TMEM41B: variants seen among roughly 807,000 people sequenced by gnomAD.
TMEM41B encodes the protein protein stasimon.
A neutral mutation model predicts 31.9 loss-of-function variants in TMEM41B; 18 were observed. That is an observed-to-expected ratio of 0.56 (90% CI 0.39 to 0.84). The LOEUF (loss-of-function observed/expected upper bound fraction) is 0.84, where lower values mean the gene tolerates loss of function less well. TMEM41B is among the 40% of genes least tolerant of loss of function. The probability of loss-of-function intolerance (pLI) is 0.00; values close to 1 mark genes in which losing one functional copy is unlikely to be tolerated. For synonymous variants in TMEM41B, 144 were observed against 124.3 expected (o/e 1.16, Z -1.05); for missense variants, 322 against 348.0 (o/e 0.93, Z 0.59).
intron 1 of TMEM41B, among the ~76,000 whole-genome samples, chr11:9,300,771 G>A (rs1228747659): frequency 2.0e-5 from 3 of 151,854 alleles, no homozygotes; most frequent in African/African-American, 7.3e-5. Context: ...CCAGCTACTC[G>A]GGAGGCTGAG....
intron 3 of TMEM41B, 151 bp downstream of exon 3, chr11:9,295,107 AT>A (rs1853051719): frequency 3.9e-6 from 4 of 1,019,032 alleles, no homozygotes; most frequent in South Asian, 6.2e-5. Context: ...TAAAGTGATA[AT>A]TTTTTTCCAT....
At chr11:9,297,095 GT>G (rs964031016) in intron 2 of TMEM41B, among the ~76,000 whole-genome samples, 1 of 151,524 alleles carries the variant, frequency 6.6e-6, no homozygotes, top group African/African-American at 2.4e-5. Context: ...GCTAGTTGTT[GT>G]TTTTTTTAGA....
intron 3 of TMEM41B, among the ~76,000 whole-genome samples, chr11:9,289,183 G>C (rs1564960540): frequency 6.6e-6 from 1 of 152,274 alleles, no homozygotes; most frequent in Middle Eastern, 3.4e-3. Context: ...TATTTGTAGA[G>C]ATGAGGTCTG....
At chr11:9,314,193 C>T in intron 1 of TMEM41B, 128 bp downstream of exon 1, 1 of 1,265,048 alleles carries the variant, frequency 7.9e-7, no homozygotes. Context: ...ACGGTCTCTG[C>T]TCCCGCCGCG....
intron 1 of TMEM41B, among the ~76,000 whole-genome samples, chr11:9,309,811 A>G (rs1185952013): frequency 6.6e-6 from 1 of 150,392 alleles, no homozygotes; most frequent in Non-Finnish European, 1.5e-5. Flanking sequence ...AGTCCCAGCT[A>G]CTTGGGAGGC....
Position 9,285,228 on chromosome 11 carries a change from G to C in TMEM41B, c.706+1227C>G, listed in dbSNP as rs187782497. On this transcript the variant is annotated intron_variant, in intron 6 of 6. Transcript: ENST00000528080. ...GCCTCCTGAGTAGCTGAGACTACAGGCACCTGCCACCACATTCAGCTAATT... is the reference window on the plus strand; with the variant it reads ...GCCTCCTGAGTAGCTGAGACTACAGCCACCTGCCACCACATTCAGCTAATT... 2.2e-3 allele frequency among the ~76,000 whole-genome samples: 336 copies of C among 151,936 alleles called. 1 individual carries two copies. Among genetic ancestry groups the C allele is most frequent in the Non-Finnish European group, 4.1e-3 (278 of 67,974 alleles).
In TMEM41B at chr11:9,295,399, A is replaced by C; in HGVS notation, c.240-12T>G. ...TCACTCTTTCTTCTCTGAAGAAATA[A>C]AGTGAAAAATTTTAGAACAGAATTT... On this transcript the variant is annotated splice_polypyrimidine_tract_variant and intron_variant, in intron 2 of 6. Coordinates refer to ENST00000528080, the MANE Select transcript of TMEM41B (RefSeq NM_015012.4). The C allele has an allele frequency of 6.6e-7, 1 of 1,513,350 alleles. No individual in the cohort carries two copies. Among genetic ancestry groups the C allele is most frequent in the Non-Finnish European group, 9.0e-7 (1 of 1,116,692 alleles). The allele number at this position is 1,513,350 out of a possible 1,614,324, so 93.7% of individuals were successfully genotyped here.
intron 3 of TMEM41B, among the ~76,000 whole-genome samples, chr11:9,290,021 G>T (rs1158868736): frequency 6.6e-6 from 1 of 151,242 alleles, no homozygotes; most frequent in East Asian, 1.9e-4. Flanking sequence ...TCTCCTACAT[G>T]TCTCTGTCAA....
At position 9,283,368 on chromosome 11, in the gene TMEM41B, C is replaced by A; in HGVS notation, c.*56G>T. The A allele has an allele frequency of 7.4e-7, 1 of 1,350,116 alleles. No individual in the cohort carries two copies. Among genetic ancestry groups the A allele is most frequent in the Non-Finnish European group, 1.0e-6 (1 of 979,868 alleles). 83.6% of individuals were successfully genotyped at this position (1,350,116 alleles called of 1,614,324 possible). On this transcript the variant is annotated 3_prime_UTR_variant, in exon 7 of 7. Transcript: ENST00000528080. ...GGTGATTTTAAAACATAAATGGATG[C>A]ACCTGTTAATCCTGAGATGGTGATG...
At chr11:9,300,972 G>C (rs1853241512) in intron 1 of TMEM41B, among the ~76,000 whole-genome samples, 1 of 152,146 alleles carries the variant, frequency 6.6e-6, no homozygotes, top group Non-Finnish European at 1.5e-5. Context: ...CCAGGAACTG[G>C]TCAATAGCGC....
chr11:9,311,321 A>G, intron 1 of TMEM41B: 2 of 1,517,800 alleles, frequency 1.3e-6, no homozygotes, highest in Non-Finnish European at 1.8e-6. Context: ...AATGCTTGCT[A>G]TGCTTGTGCA....
chr11:9,292,883 C>T (rs1852990361), intron 3 of TMEM41B, among the ~76,000 whole-genome samples: 1 of 152,128 alleles, frequency 6.6e-6, no homozygotes, highest in Admixed American at 6.6e-5. Flanking sequence ...ACCAACAGTG[C>T]TCAAGAGTTC....
At chr11:9,293,474 A>C (rs995063652) in intron 3 of TMEM41B, among the ~76,000 whole-genome samples, 2 of 152,242 alleles carry the variant, frequency 1.3e-5, no homozygotes, top group Non-Finnish European at 2.9e-5. Flanking sequence ...CCCTTCTTAG[A>C]TAAAACACAG....
intron 2 of TMEM41B, 115 bp downstream of exon 2, chr11:9,299,469 C>G: frequency 1.4e-6 from 1 of 696,218 alleles, no homozygotes; most frequent in East Asian, 2.7e-5. Flanking sequence ...CCAATCCACC[C>G]ACCTCGGCCT....
rs776498387 is a variant in TMEM41B at position 9,314,442 on chromosome 11, G to C, written c.-1C>G. 1 of 1,555,608 alleles carries C rather than the reference G, an allele frequency of 6.4e-7. No individual in the cohort carries two copies. The highest frequency in any genetic ancestry group is 1.2e-5 in the South Asian group (1 of 84,706). On this transcript the variant is annotated 5_prime_UTR_variant, in exon 1 of 7. Transcript: ENST00000528080. ...GTTCGGCGACTCTGCCTTTCGCCAT[G>C]GCTGCTGCAAGGTGAAGGGAGCGGT...
intron 1 of TMEM41B, among the ~76,000 whole-genome samples, chr11:9,313,146 C>T (rs1853603431): frequency 6.6e-6 from 1 of 152,120 alleles, no homozygotes; most frequent in Non-Finnish European, 1.5e-5. Flanking sequence ...GTAGTAGAGT[C>T]TTCAAAACAA....
intron 1 of TMEM41B, among the ~76,000 whole-genome samples, chr11:9,302,678 T>C (rs66462604): frequency 0.37 from 36,921 of 99,190 alleles, 15,223 homozygotes; most frequent in East Asian, 0.98. Context: ...TGGTAGACTA[T>C]ATGAATCAGC....
chr11:9,284,231 GTC>G (rs2133607025), intron 6 of TMEM41B, among the ~76,000 whole-genome samples: 1 of 151,668 alleles, frequency 6.6e-6, no homozygotes, highest in East Asian at 1.9e-4. Flanking sequence ...TGCAGCCTCA[GTC>G]TCTCGAGGCT....
chr11:9,291,690 C>T (rs1200906349), intron 3 of TMEM41B, among the ~76,000 whole-genome samples: 4 of 149,586 alleles, frequency 2.7e-5, no homozygotes, highest in Non-Finnish European at 4.4e-5. Flanking sequence ...GTGGCCACCA[C>T]GCCCGGCCAA....
Sources: gnomAD v4.1 joint callset for allele counts (sites outside exome capture counted in the v4.1 genomes callset) on GRCh38, gnomAD v4.1.1 for gene constraint, MANE v1.5 for transcripts, NCBI Gene and HGNC (gene_info 2026-07-23, HGNC 2026-07-21) for gene names.